The following MEGF11 variants were observed in gnomAD, a reference collection of about 807,000 sequenced individuals.
MEGF11 encodes the protein multiple epidermal growth factor-like domains protein 11.
Under a neutral mutation model 146.6 loss-of-function variants are expected in MEGF11, and 126 were observed. That is an observed-to-expected ratio of 0.86 (90% CI 0.74 to 1.00). MEGF11 has a LOEUF of 1.00. Among genes scored for constraint, MEGF11 ranks in the 50% least tolerant of loss-of-function variants. The pLI, the probability that MEGF11 is intolerant of heterozygous loss-of-function variation, is 0.00. For missense variants in MEGF11, 1,509 were observed against 1,521.2 expected, an observed-to-expected ratio of 0.99 and a Z score of 0.13; for synonymous variants, 532 against 583.4, an observed-to-expected ratio of 0.91 and a Z score of 1.27.
At chr15:66,109,053 C>T (rs1269677730) in intron 4 of MEGF11, among the ~76,000 whole-genome samples, 1 of 152,202 alleles carries the variant, frequency 6.6e-6, no homozygotes, top group Non-Finnish European at 1.5e-5. Context: ...GCTGTATCAG[C>T]ACGAGGGGCC....
intron 22 of MEGF11, among the ~76,000 whole-genome samples, chr15:65,909,505 A>T (rs1199875251): frequency 6.6e-6 from 1 of 151,878 alleles, no homozygotes; most frequent in African/African-American, 2.4e-5. Flanking sequence ...GAATCCCTAC[A>T]CCCTGGCCCT....
chr15:65,927,111 C>G lies in MEGF11; in HGVS notation c.1675+1314G>C, dbSNP rs140722677. ...TTGCTGCTCATCACCTTGGGACTGG[C>G]TAGTAGGTTCACTTCTGAAATGCTT... is the stretch of plus-strand genomic sequence containing the variant. On this transcript the variant is annotated intron_variant, in intron 13 of 25. Coordinates refer to ENST00000395614, the MANE Select transcript of MEGF11 (RefSeq NM_001385028.1). 6.5e-3 allele frequency among the ~76,000 whole-genome samples: 986 copies of G among 152,338 alleles called. 10 individuals are homozygous for G. Among genetic ancestry groups the G allele is most frequent in the Non-Finnish European group, 7.2e-3 (490 of 68,016 alleles).
intron 1 of MEGF11, among the ~76,000 whole-genome samples, chr15:66,243,487 C>T (rs1304404885): frequency 3.3e-5 from 5 of 152,148 alleles, no homozygotes; most frequent in Non-Finnish European, 7.3e-5. Flanking sequence ...TGCAGAAGGG[C>T]GGCCAGCTGG....
At chr15:66,041,248 C>T (rs1223875287) in intron 5 of MEGF11, among the ~76,000 whole-genome samples, 1 of 152,142 alleles carries the variant, frequency 6.6e-6, no homozygotes, top group South Asian at 2.1e-4. Context: ...ATCGACTGGG[C>T]AAGAGATAAA....
chr15:65,993,957 CTG>C (rs984432342), intron 5 of MEGF11, among the ~76,000 whole-genome samples: 18 of 152,168 alleles, frequency 1.2e-4, no homozygotes, highest in African/African-American at 3.9e-4. Context: ...GGCCAGATGA[CTG>C]TGTGCCAAGC....
chr15:65,928,341 G>T, intron 13 of MEGF11, 84 bp downstream of exon 13: 3 of 832,006 alleles, frequency 3.6e-6, no homozygotes, highest in Non-Finnish European at 5.7e-6. Context: ...GAGAGGTATT[G>T]AAGAAGAAAA....
At chr15:66,042,940 C>A (rs1235146031) in intron 5 of MEGF11, among the ~76,000 whole-genome samples, 1 of 152,136 alleles carries the variant, frequency 6.6e-6, no homozygotes, top group Non-Finnish European at 1.5e-5. Context: ...GGGGTTAGGA[C>A]TTCAATATGC....
chr15:65,898,241 G>A (rs2078400209), intron 25 of MEGF11, 147 bp from the exon 26 acceptor site: 12 of 1,427,180 alleles, frequency 8.4e-6, no homozygotes, highest in Non-Finnish European at 1.1e-5. Flanking sequence ...ACTGAGGCTT[G>A]CTCAGGAGAT....
intron 2 of MEGF11, 40 bp downstream of exon 2, chr15:66,128,266 C>G: frequency 1.5e-6 from 2 of 1,337,522 alleles, no homozygotes; most frequent in Non-Finnish European, 2.0e-6. Context: ...CCAGGGCGAT[C>G]CCCCAGAGAG....
intron 5 of MEGF11, among the ~76,000 whole-genome samples, chr15:66,092,579 C>G (rs2086363159): frequency 6.6e-6 from 1 of 152,218 alleles, no homozygotes; most frequent in East Asian, 1.9e-4. Flanking sequence ...GGGGGCAAGT[C>G]ATACTCTAAA....
chr15:65,942,643 G>A (rs2080038610), intron 10 of MEGF11, among the ~76,000 whole-genome samples: 1 of 152,078 alleles, frequency 6.6e-6, no homozygotes, highest in African/African-American at 2.4e-5. Flanking sequence ...GAAGGAAGGA[G>A]CTTCCTGCTG....
intron 5 of MEGF11, among the ~76,000 whole-genome samples, chr15:65,996,518 C>G (rs189323036): frequency 6.7e-6 from 1 of 149,742 alleles, no homozygotes; most frequent in Non-Finnish European, 1.5e-5. Context: ...TGGAGTCTCA[C>G]TCTGTCGCCC....
chr15:66,008,439 A>ACG (rs1219513788), intron 5 of MEGF11, among the ~76,000 whole-genome samples: 4,799 of 149,462 alleles, frequency 0.032, 98 homozygotes, highest in African/African-American at 0.051. Flanking sequence ...ACACACACAC[A>ACG]CACACACACA....
At chr15:66,238,075 T>C (rs945681707) in intron 1 of MEGF11, among the ~76,000 whole-genome samples, 17 of 152,286 alleles carry the variant, frequency 1.1e-4, no homozygotes, top group African/African-American at 3.1e-4. Context: ...TCTGCAATAG[T>C]AAATAATAGT....
intron 1 of MEGF11, among the ~76,000 whole-genome samples, chr15:66,192,248 A>C (rs1368755304): frequency 1.3e-5 from 2 of 151,866 alleles, no homozygotes; most frequent in Non-Finnish European, 2.9e-5. Context: ...CGGGGAGATC[A>C]CTTGAGGCCA....
At chr15:65,944,082 A>G (rs950983276) in intron 10 of MEGF11, among the ~76,000 whole-genome samples, 3 of 152,162 alleles carry the variant, frequency 2.0e-5, no homozygotes, top group African/African-American at 4.8e-5. Context: ...CTATCTGTGC[A>G]TTTATTCAAC....
chr15:66,142,763 T>A (rs1474471702), intron 1 of MEGF11, among the ~76,000 whole-genome samples: 1 of 152,154 alleles, frequency 6.6e-6, no homozygotes, highest in Non-Finnish European at 1.5e-5. Flanking sequence ...TGACCCCAAA[T>A]GAGTCACTGC....
intron 5 of MEGF11, among the ~76,000 whole-genome samples, chr15:66,072,615 C>CGAAT (rs1209019551): frequency 6.6e-6 from 1 of 152,166 alleles, no homozygotes; most frequent in African/African-American, 2.4e-5. Context: ...CCTGAGTGAG[C>CGAAT]GAATGAATGA....
At chr15:66,131,840 G>A (rs887837174) in intron 1 of MEGF11, among the ~76,000 whole-genome samples, 2 of 152,134 alleles carry the variant, frequency 1.3e-5, no homozygotes, top group Non-Finnish European at 2.9e-5. Context: ...ATTTCCCATG[G>A]AACTCTTCCC....
Sources: allele counts gnomAD v4.1 joint callset (sites outside exome capture counted in the v4.1 genomes callset), GRCh38; gene constraint gnomAD v4.1.1; transcripts MANE v1.5; gene names NCBI Gene and HGNC (gene_info 2026-07-23, HGNC 2026-07-21).